Variants in GRIK1 observed in about 807,000 individuals in gnomAD.
GRIK1 encodes the protein glutamate receptor ionotropic, kainate 1.
GRIK1 carries 69 observed loss-of-function variants against 105.7 expected under a neutral mutation model. The ratio of observed to expected loss-of-function variants is 0.65; its 90% CI spans 0.54 to 0.80. GRIK1 has a LOEUF of 0.80. Ranked by LOEUF, GRIK1 falls within the 30% of genes least tolerant of loss-of-function variation. GRIK1 has a pLI of 0.00. For synonymous variants in GRIK1, 438 were observed against 431.3 expected, an observed-to-expected ratio of 1.02 and a Z score of -0.19; for missense variants, 1,109 against 1,167.3, an observed-to-expected ratio of 0.95 and a Z score of 0.73.
chr21:29,560,396 CCTTCCTTTCTTTCTTTCTTTCTTT>C (rs1253989584), intron 15 of GRIK1, among the ~76,000 whole-genome samples: 2 of 60,296 alleles, frequency 3.3e-5, no homozygotes, highest in African/African-American at 2.0e-4. Context: ...TTCCTTCCTT[CCTTCCTTTCTTTCTTTCTTTCTTT>C]CTTTCTTTCT....
At chr21:29,682,412 C>T (rs917592243) in intron 3 of GRIK1, among the ~76,000 whole-genome samples, 1 of 152,158 alleles carries the variant, frequency 6.6e-6, no homozygotes, top group East Asian at 1.9e-4. Context: ...CGGGCCTATC[C>T]ATAGGTAAAT....
chr21:29,559,559 G>T (rs363495), intron 15 of GRIK1, among the ~76,000 whole-genome samples: 11,373 of 152,174 alleles, frequency 0.075, 874 homozygotes, highest in African/African-American at 0.19. Context: ...CTGCAGGAAA[G>T]TTATTTGGAG....
At chr21:29,802,321 T>C (rs73360311) in intron 1 of GRIK1, among the ~76,000 whole-genome samples, 1,668 of 152,268 alleles carry the variant, frequency 0.011, 38 homozygotes, top group African/African-American at 0.038. Context: ...TATTACAAAA[T>C]GCCTTCGGTA....
intron 1 of GRIK1, among the ~76,000 whole-genome samples, chr21:29,908,159 G>GA (rs903389829): frequency 3.6e-4 from 55 of 151,608 alleles, no homozygotes; most frequent in African/African-American, 1.1e-3. Context: ...TTCTATAGCC[G>GA]AAAAAAAGAG....
At chr21:29,834,262 T>C (rs890748137) in intron 1 of GRIK1, among the ~76,000 whole-genome samples, 1 of 150,458 alleles carries the variant, frequency 6.6e-6, no homozygotes, top group Non-Finnish European at 1.5e-5. Flanking sequence ...AATAGGAACT[T>C]GGAAGGAAAT....
intron 4 of GRIK1, among the ~76,000 whole-genome samples, chr21:29,668,986 C>T (rs1201561996): frequency 6.6e-6 from 1 of 152,088 alleles, no homozygotes; most frequent in Non-Finnish European, 1.5e-5. Context: ...GGGGAGAGGA[C>T]ACATGCGACC....
intron 1 of GRIK1, among the ~76,000 whole-genome samples, chr21:29,704,074 A>G (rs1000385280): frequency 4.6e-5 from 7 of 152,230 alleles, no homozygotes; most frequent in African/African-American, 1.7e-4. Context: ...GAGTTGCACT[A>G]TAAATTACCC....
At chr21:29,793,353 T>G (rs889534894) in intron 1 of GRIK1, among the ~76,000 whole-genome samples, 1 of 152,166 alleles carries the variant, frequency 6.6e-6, no homozygotes, top group African/African-American at 2.4e-5. Context: ...ACAGGAATGT[T>G]GCTCCCCCAA....
At chr21:29,789,375 A>T (rs2066349122) in intron 1 of GRIK1, among the ~76,000 whole-genome samples, 2 of 149,842 alleles carry the variant, frequency 1.3e-5, no homozygotes, top group South Asian at 4.2e-4. Flanking sequence ...ACTCTTCACC[A>T]CAGGACCCTG....
intron 1 of GRIK1, among the ~76,000 whole-genome samples, chr21:29,753,997 G>A (rs1459181485): frequency 6.6e-6 from 1 of 152,112 alleles, no homozygotes; most frequent in Non-Finnish European, 1.5e-5. Context: ...ATCCTTCAAA[G>A]TTAGGTATCC....
At chr21:29,691,127 A>T (rs2063576792) in intron 2 of GRIK1, among the ~76,000 whole-genome samples, 1 of 151,076 alleles carries the variant, frequency 6.6e-6, no homozygotes, top group Non-Finnish European at 1.5e-5. Flanking sequence ...CCTGGCCATC[A>T]TGGTGAAACC....
At chr21:29,721,273 T>A (rs1431408854) in intron 1 of GRIK1, among the ~76,000 whole-genome samples, 1 of 152,178 alleles carries the variant, frequency 6.6e-6, no homozygotes, top group Admixed American at 6.5e-5. Context: ...CGAGGATAGA[T>A]GGAAGGTTTT....
chr21:29,888,233 CCT>C (rs1424578091), intron 1 of GRIK1, among the ~76,000 whole-genome samples: 34 of 115,266 alleles, frequency 2.9e-4, no homozygotes, highest in Non-Finnish European at 3.8e-4. Flanking sequence ...CTCTCTCTCT[CCT>C]TCCTTCCTTC....
At chr21:29,669,833 G>C (rs979078691) in intron 4 of GRIK1, among the ~76,000 whole-genome samples, 1 of 152,082 alleles carries the variant, frequency 6.6e-6, no homozygotes, top group African/African-American at 2.4e-5. Context: ...CCAGAATCAG[G>C]ACCCAGAACT....
At chr21:29,620,668 A>G (rs952862942) in intron 7 of GRIK1, among the ~76,000 whole-genome samples, 2 of 150,180 alleles carry the variant, frequency 1.3e-5, no homozygotes, top group African/African-American at 2.4e-5. Flanking sequence ...AAAAAAAAAA[A>G]GCTGTGAGGT....
intron 1 of GRIK1, among the ~76,000 whole-genome samples, chr21:29,706,126 G>C (rs528987343): frequency 2.0e-5 from 3 of 151,956 alleles, no homozygotes; most frequent in Admixed American, 6.6e-5. Context: ...TGTCCGCCTC[G>C]GCCTCCCAAA....
intron 6 of GRIK1, among the ~76,000 whole-genome samples, chr21:29,650,796 C>T (rs186845393): frequency 6.6e-6 from 1 of 152,290 alleles, no homozygotes; most frequent in East Asian, 1.9e-4. Context: ...CTCCTCTTCC[C>T]CCACCAGCCA....
At chr21:29,585,923 G>C (rs999560651) in intron 12 of GRIK1, among the ~76,000 whole-genome samples, 3 of 151,984 alleles carry the variant, frequency 2.0e-5, no homozygotes, top group African/African-American at 7.3e-5. Flanking sequence ...AATTCTTTTG[G>C]GGGGTACCTG....
chr21:29,752,206 T>C (rs545417313), intron 1 of GRIK1, among the ~76,000 whole-genome samples: 1 of 152,304 alleles, frequency 6.6e-6, no homozygotes, highest in East Asian at 1.9e-4. Flanking sequence ...ATTTGGTAAC[T>C]TCCATGAGAT....
Sources: allele counts gnomAD v4.1 joint callset (sites outside exome capture counted in the v4.1 genomes callset), GRCh38; gene constraint gnomAD v4.1.1; transcripts MANE v1.5; gene names NCBI Gene and HGNC (gene_info 2026-07-23, HGNC 2026-07-21).